HS3ST5: variants seen among roughly 807,000 people sequenced by gnomAD.
HS3ST5 encodes heparan sulfate-glucosamine 3-sulfotransferase 5.
A neutral mutation model predicts 25.4 loss-of-function variants in HS3ST5; 10 were observed. The observed-to-expected ratio is 0.39, with a 90% CI of 0.24 to 0.67. The LOEUF is 0.67. Ranked by LOEUF, HS3ST5 falls within the 30% of genes least tolerant of loss-of-function variation. The pLI is 0.44. For missense variants in HS3ST5, 324 were observed against 420.7 expected (o/e 0.77, Z 2.01); for synonymous variants, 170 against 162.4 (o/e 1.05, Z -0.36).
intron 1 of HS3ST5, among the ~76,000 whole-genome samples, chr6:114,294,251 A>G (rs1774713375): frequency 6.6e-6 from 1 of 152,192 alleles, no homozygotes; most frequent in African/African-American, 2.4e-5. Context: ...AGTGTTCACC[A>G]ACACCACAAT....
chr6:114,127,358 T>C (rs1422395788), intron 3 of HS3ST5, among the ~76,000 whole-genome samples: 1 of 152,204 alleles, frequency 6.6e-6, no homozygotes, highest in Admixed American at 6.5e-5. Context: ...GTACTGTCAA[T>C]GGTCAGTGCT....
At chr6:114,229,921 A>T (rs1486362098) in intron 1 of HS3ST5, among the ~76,000 whole-genome samples, 3 of 152,178 alleles carry the variant, frequency 2.0e-5, no homozygotes, top group Non-Finnish European at 4.4e-5. Flanking sequence ...GCTTTCCCTG[A>T]AATTCTACCT....
chr6:114,148,104 A>G (rs952546976), intron 3 of HS3ST5, among the ~76,000 whole-genome samples: 3 of 152,206 alleles, frequency 2.0e-5, no homozygotes, highest in Non-Finnish European at 4.4e-5. Context: ...AATGGAACAG[A>G]ACAGAGACCT....
chr6:114,202,249 C>T (rs1359033804), intron 2 of HS3ST5, among the ~76,000 whole-genome samples: 9 of 152,140 alleles, frequency 5.9e-5, no homozygotes, highest in South Asian at 4.1e-4. Flanking sequence ...GCCAAGACCT[C>T]GTCTCTATAA....
intron 2 of HS3ST5, among the ~76,000 whole-genome samples, chr6:114,186,673 GAAGGTAGCTATGCTAAAC>G (rs1405837368): frequency 6.6e-6 from 1 of 152,180 alleles, no homozygotes; most frequent in Non-Finnish European, 1.5e-5. Context: ...GATAATTAAC[GAAGGTAGCTATGCTAAAC>G]AATAAATTTT....
At chr6:114,334,764 C>T (rs941895419) in intron 1 of HS3ST5, among the ~76,000 whole-genome samples, 4 of 152,182 alleles carry the variant, frequency 2.6e-5, no homozygotes, top group African/African-American at 9.7e-5. Flanking sequence ...AATCAGCTAA[C>T]AATGCATATC....
chr6:114,278,431 CAAAT>C (rs1185552720), intron 1 of HS3ST5, among the ~76,000 whole-genome samples: 4 of 151,824 alleles, frequency 2.6e-5, no homozygotes, highest in Non-Finnish European at 4.4e-5. Context: ...AAATTTCTCC[CAAAT>C]AAATAGTGAA....
intron 1 of HS3ST5, among the ~76,000 whole-genome samples, chr6:114,270,374 A>AG (rs1773587346): frequency 6.6e-6 from 1 of 152,214 alleles, no homozygotes; most frequent in Admixed American, 6.5e-5. Flanking sequence ...TTTAAAAAAA[A>AG]TCCATTAAAA....
At chr6:114,248,701 C>CTT (rs1402766139) in intron 1 of HS3ST5, among the ~76,000 whole-genome samples, 5 of 152,142 alleles carry the variant, frequency 3.3e-5, no homozygotes, top group Non-Finnish European at 5.9e-5. Flanking sequence ...GACAAGGTCT[C>CTT]TTCTTTCATG....
rs189744649 is a variant in HS3ST5 at position 114,089,382 on chromosome 6, A to G, written c.-32-26505T>C. Among the ~76,000 whole-genome samples, 1,291 of 152,270 alleles carry G rather than the reference A, an allele frequency of 8.5e-3. 8 individuals carry two copies. Among genetic ancestry groups the G allele is most frequent in the Non-Finnish European group, 9.5e-3 (645 of 68,012 alleles). On this transcript the variant is annotated intron_variant, in intron 3 of 4. Transcript: ENST00000312719. ...ATCTTGCTGGCATTTTTCTGTGCAG[A>G]AAAGAGTATATATGTGTTTTCAATA...
intron 3 of HS3ST5, among the ~76,000 whole-genome samples, chr6:114,093,615 A>G (rs1161453112): frequency 6.6e-6 from 1 of 151,502 alleles, no homozygotes; most frequent in African/African-American, 2.4e-5. Flanking sequence ...TTTCTTTTCT[A>G]TACATCTGGT....
intron 1 of HS3ST5, among the ~76,000 whole-genome samples, chr6:114,303,160 C>A (rs776901576): frequency 1.3e-5 from 2 of 152,130 alleles, no homozygotes; most frequent in African/African-American, 2.4e-5. Context: ...TCAGCTCTAG[C>A]TTTTATATAT....
intron 1 of HS3ST5, among the ~76,000 whole-genome samples, chr6:114,335,700 G>A (rs1776582526): frequency 2.0e-5 from 3 of 150,892 alleles, no homozygotes; most frequent in African/African-American, 7.3e-5. Context: ...CTGTTGCCAG[G>A]CTGGAGTGCA....
intron 2 of HS3ST5, among the ~76,000 whole-genome samples, chr6:114,193,672 T>C (rs1047741397): frequency 1.3e-5 from 2 of 152,200 alleles, no homozygotes; most frequent in African/African-American, 4.8e-5. Flanking sequence ...AGTACTGTAA[T>C]GCCTGGCACA....
At chr6:114,227,671 T>C (rs1243963833) in intron 2 of HS3ST5, among the ~76,000 whole-genome samples, 2 of 152,046 alleles carry the variant, frequency 1.3e-5, no homozygotes, top group Non-Finnish European at 2.9e-5. Context: ...TTAAGCAGAT[T>C]TGTTCTTTTA....
intron 1 of HS3ST5, chr6:114,251,561 G>A (rs181607465): frequency 9.9e-5 from 15 of 152,242 alleles, no homozygotes; most frequent in East Asian, 1.9e-4. Flanking sequence ...AATTCACTCC[G>A]TTCTTGTCTT....
chr6:114,164,499 A>G (rs770095313), intron 3 of HS3ST5, among the ~76,000 whole-genome samples: 10 of 152,222 alleles, frequency 6.6e-5, no homozygotes, highest in Non-Finnish European at 1.5e-4. Context: ...AATTGATCAT[A>G]GATTCTCCAT....
chr6:114,234,981 G>T (rs183599320), intron 1 of HS3ST5, among the ~76,000 whole-genome samples: 1 of 152,146 alleles, frequency 6.6e-6, no homozygotes, highest in East Asian at 1.9e-4. Context: ...AAATTAGCCG[G>T]GTGTGGTGGC....
intron 2 of HS3ST5, among the ~76,000 whole-genome samples, chr6:114,188,779 A>G (rs1430747001): frequency 6.6e-6 from 1 of 152,128 alleles, no homozygotes; most frequent in African/African-American, 2.4e-5. Flanking sequence ...CTCTCAGTAT[A>G]ATTGGGTCAG....
Sources: gnomAD v4.1 joint callset for allele counts (sites outside exome capture counted in the v4.1 genomes callset) on GRCh38, gnomAD v4.1.1 for gene constraint, MANE v1.5 for transcripts, NCBI Gene and HGNC (gene_info 2026-07-23, HGNC 2026-07-21) for gene names.